KCNH7: variants seen among roughly 807,000 people sequenced by gnomAD.
KCNH7 encodes the protein voltage-gated inwardly rectifying potassium channel KCNH7.
KCNH7 carries 49 observed loss-of-function variants against 120.8 expected under a neutral mutation model. The ratio of observed to expected loss-of-function variants is 0.41; its 90% CI spans 0.32 to 0.51. KCNH7 has a LOEUF of 0.51. Among genes scored for constraint, KCNH7 ranks in the 20% least tolerant of loss-of-function variants. The probability of loss-of-function intolerance (pLI) is 0.38; values close to 1 mark genes in which losing one functional copy is unlikely to be tolerated. For missense variants in KCNH7, 1,097 were observed against 1,446.6 expected (o/e 0.76, Z 3.92); for synonymous variants, 547 against 516.1 (o/e 1.06, Z -0.81).
intron 4 of KCNH7, among the ~76,000 whole-genome samples, chr2:162,517,282 C>T (rs1430790499): frequency 6.6e-6 from 1 of 151,738 alleles, no homozygotes; most frequent in Non-Finnish European, 1.5e-5. Flanking sequence ...GCTTTCTGAT[C>T]ACTCAGTACA....
chr2:162,570,305 G>T (rs1273926279), intron 2 of KCNH7, among the ~76,000 whole-genome samples: 1 of 151,276 alleles, frequency 6.6e-6, no homozygotes, highest in Non-Finnish European at 1.5e-5. Flanking sequence ...TGTTTCTTTT[G>T]ATCTTTGTTG....
chr2:162,468,512 CTTTTTTTTTTTTT>C (rs1166606647), intron 6 of KCNH7, among the ~76,000 whole-genome samples: 13 of 78,920 alleles, frequency 1.6e-4, no homozygotes, highest in Non-Finnish European at 2.7e-4. Flanking sequence ...TATTCTTTTC[CTTTTTTTTTTTTT>C]TTTTTTTTTT....
intron 2 of KCNH7, among the ~76,000 whole-genome samples, chr2:162,721,893 C>T (rs2105374788): frequency 6.6e-6 from 1 of 151,880 alleles, no homozygotes; most frequent in East Asian, 1.9e-4. Context: ...ACTTTAAGTC[C>T]TACAAAGTAA....
chr2:162,769,678 AT>A (rs1559125082), intron 2 of KCNH7, among the ~76,000 whole-genome samples: 1 of 151,858 alleles, frequency 6.6e-6, no homozygotes, highest in Non-Finnish European at 1.5e-5. Context: ...TATATTATGC[AT>A]ACATATATAT....
intron 2 of KCNH7, among the ~76,000 whole-genome samples, chr2:162,735,883 C>A (rs1040641414): frequency 6.6e-6 from 1 of 152,126 alleles, no homozygotes; most frequent in Non-Finnish European, 1.5e-5. Context: ...CAATTTTACA[C>A]ACATAATATG....
chr2:162,778,685 A>T (rs1683351318), intron 2 of KCNH7, among the ~76,000 whole-genome samples: 2 of 152,204 alleles, frequency 1.3e-5, no homozygotes, highest in South Asian at 4.1e-4. Flanking sequence ...TACTTTTTAC[A>T]ATTATTAAAT....
chr2:162,510,159 C>T (rs934312656), intron 5 of KCNH7, among the ~76,000 whole-genome samples: 1 of 151,448 alleles, frequency 6.6e-6, no homozygotes, highest in African/African-American at 2.4e-5. Flanking sequence ...ATAACTTTTC[C>T]ACTCTTTCAC....
chr2:162,396,386 C>T (rs1324788739), intron 11 of KCNH7, among the ~76,000 whole-genome samples: 1 of 151,718 alleles, frequency 6.6e-6, no homozygotes, highest in East Asian at 1.9e-4. Flanking sequence ...ATTCTAACCT[C>T]TGTATAAGAT....
chr2:162,756,957 TA>T (rs1205883002), intron 2 of KCNH7, among the ~76,000 whole-genome samples: 4 of 152,172 alleles, frequency 2.6e-5, no homozygotes, highest in Non-Finnish European at 5.9e-5. Flanking sequence ...ATCAATTTTT[TA>T]AAGCCTAAGT....
intron 2 of KCNH7, among the ~76,000 whole-genome samples, chr2:162,618,467 CTTTAA>C (rs1468337656): frequency 2.0e-5 from 3 of 151,978 alleles, no homozygotes; most frequent in Non-Finnish European, 4.4e-5. Flanking sequence ...TTACATAGAA[CTTTAA>C]TTTAAATGAA....
intron 2 of KCNH7, among the ~76,000 whole-genome samples, chr2:162,554,424 T>G (rs189301979): frequency 3.4e-4 from 52 of 152,264 alleles, no homozygotes; most frequent in Non-Finnish European, 5.4e-4. Context: ...TTATTATTAT[T>G]ATTATTATTA....
At chr2:162,430,212 G>A (rs1003412846) in intron 8 of KCNH7, among the ~76,000 whole-genome samples, 1 of 151,878 alleles carries the variant, frequency 6.6e-6, no homozygotes, top group Non-Finnish European at 1.5e-5. Flanking sequence ...ATGTTAATAA[G>A]GGTTTTCCTT....
At chr2:162,595,478 A>T (rs868827960) in intron 2 of KCNH7, among the ~76,000 whole-genome samples, 2 of 152,078 alleles carry the variant, frequency 1.3e-5, no homozygotes, top group Admixed American at 6.6e-5. Context: ...CAATATGAAC[A>T]TCATAATAAA....
At chr2:162,520,364 C>T (rs114716227) in intron 3 of KCNH7, among the ~76,000 whole-genome samples, 1,709 of 151,624 alleles carry the variant, frequency 0.011, 31 homozygotes, top group African/African-American at 0.039. Flanking sequence ...CATATTTCCA[C>T]GCTACTATAC....
chr2:162,816,881 G>T (rs774505551), intron 2 of KCNH7, among the ~76,000 whole-genome samples: 25 of 152,038 alleles, frequency 1.6e-4, no homozygotes, highest in Non-Finnish European at 2.9e-4. Context: ...GAAATGAATT[G>T]TAAACTGCTA....
intron 2 of KCNH7, among the ~76,000 whole-genome samples, chr2:162,742,298 T>C (rs545008441): frequency 6.6e-6 from 1 of 152,328 alleles, no homozygotes; most frequent in South Asian, 2.1e-4. Context: ...TTTGATTTTA[T>C]ATTTGTTAAT....
At chr2:162,713,718 A>C (rs567768970) in intron 2 of KCNH7, among the ~76,000 whole-genome samples, 53 of 152,196 alleles carry the variant, frequency 3.5e-4, no homozygotes, top group Non-Finnish European at 5.4e-4. Context: ...AGAGTAATGT[A>C]GTATTATTGT....
At chr2:162,714,599 C>T (rs1313133922) in intron 2 of KCNH7, among the ~76,000 whole-genome samples, 1 of 152,046 alleles carries the variant, frequency 6.6e-6, no homozygotes, top group Non-Finnish European at 1.5e-5. Flanking sequence ...TATTCTGAAA[C>T]AGGGGGTTGG....
chr2:162,499,082 T>G (rs1382766997), intron 6 of KCNH7, among the ~76,000 whole-genome samples: 1 of 152,112 alleles, frequency 6.6e-6, no homozygotes, highest in East Asian at 1.9e-4. Flanking sequence ...ATACTCATAC[T>G]TATCCAGGGA....
Sources: allele counts gnomAD v4.1 joint callset (sites outside exome capture counted in the v4.1 genomes callset), GRCh38; gene constraint gnomAD v4.1.1; transcripts MANE v1.5; gene names NCBI Gene and HGNC (gene_info 2026-07-23, HGNC 2026-07-21).